The following MPPED1 variants were observed in gnomAD, a reference collection of about 807,000 sequenced individuals.
The protein encoded by MPPED1 is metallophosphoesterase domain-containing protein 1.
Under a neutral mutation model 36.2 loss-of-function variants are expected in MPPED1, and 16 were observed. That is an observed-to-expected ratio of 0.44 (90% CI 0.30 to 0.67). The LOEUF (loss-of-function observed/expected upper bound fraction) is 0.67, where lower values mean the gene tolerates loss of function less well. Among genes scored for constraint, MPPED1 ranks in the 30% least tolerant of loss-of-function variants. The pLI, the probability that MPPED1 is intolerant of heterozygous loss-of-function variation, is 0.10. For synonymous variants in MPPED1, 199 were observed against 191.3 expected, an observed-to-expected ratio of 1.04 and a Z score of -0.33; for missense variants, 307 against 453.4, an observed-to-expected ratio of 0.68 and a Z score of 2.93.
chr22:43,470,951 G>C (rs547390897), intron 3 of MPPED1, among the ~76,000 whole-genome samples: 21 of 152,350 alleles, frequency 1.4e-4, no homozygotes. Context: ...GTTTGAGGGT[G>C]TCACCCCAGC....
At chr22:43,468,069 T>TA (rs1931235468) in intron 3 of MPPED1, among the ~76,000 whole-genome samples, 1 of 152,242 alleles carries the variant, frequency 6.6e-6, no homozygotes, top group South Asian at 2.1e-4. Context: ...TGTGTGCGGA[T>TA]ACACAGCTAT....
chr22:43,424,841 A>T (rs1929402905), intron 1 of MPPED1, 67 bp from the exon 2 acceptor site: 13 of 1,445,176 alleles, frequency 9.0e-6, no homozygotes, highest in Non-Finnish European at 1.2e-5. Context: ...CTAAATCTTC[A>T]TCTGACATTA....
rs553534785 is a variant in MPPED1 at position 43,417,091 on chromosome 22, C to T, written c.-79+4933C>T. On this transcript the variant is annotated intron_variant, in intron 1 of 6. Transcript: ENST00000443721. ...AGCGGCAGAGACTGCTGGGGGGTGG[C>T]GGTGGTGAGGAATTAGAAAGTGTAA... is the stretch of plus-strand genomic sequence containing the variant. 121 of 805,064 alleles carry T rather than the reference C, an allele frequency of 1.5e-4. 1 individual carries two copies. In the South Asian group the frequency reaches 5.6e-3, roughly 37 times the overall value. 49.9% of individuals were successfully genotyped at this position (805,064 alleles called of 1,614,324 possible).
intron 4 of MPPED1, among the ~76,000 whole-genome samples, chr22:43,476,603 C>A (rs1416667830): frequency 1.3e-5 from 2 of 152,088 alleles, no homozygotes; most frequent in Non-Finnish European, 2.9e-5. Flanking sequence ...AGATTTAGGA[C>A]CTGGTTTCAT....
At chr22:43,435,725 C>T (rs1364120546) in intron 3 of MPPED1, among the ~76,000 whole-genome samples, 7 of 152,098 alleles carry the variant, frequency 4.6e-5, no homozygotes, top group Admixed American at 3.9e-4. Context: ...GGTGTGGTGG[C>T]GGGCACCTGT....
intron 3 of MPPED1, among the ~76,000 whole-genome samples, chr22:43,448,625 CAG>C: frequency 6.7e-6 from 1 of 148,250 alleles, no homozygotes; most frequent in Middle Eastern, 3.4e-3. Context: ...TTTATTGAGA[CAG>C]AGTCTCGCTC....
At chr22:43,437,684 C>T (rs1331396232) in intron 3 of MPPED1, among the ~76,000 whole-genome samples, 11 of 152,130 alleles carry the variant, frequency 7.2e-5, no homozygotes, top group Admixed American at 3.9e-4. Context: ...TAAAAGGGGG[C>T]GGTTAGGCTC....
chr22:43,453,733 C>G (rs1310973102), intron 3 of MPPED1, among the ~76,000 whole-genome samples: 1 of 152,204 alleles, frequency 6.6e-6, no homozygotes, highest in Non-Finnish European at 1.5e-5. Flanking sequence ...ATTCTGCCTG[C>G]TCACACTTCT....
chr22:43,484,306 G>A (rs1931843682), intron 4 of MPPED1, among the ~76,000 whole-genome samples: 1 of 152,244 alleles, frequency 6.6e-6, no homozygotes, highest in East Asian at 1.9e-4. Flanking sequence ...CCATCTTACA[G>A]ATGGGTCAGG....
At chr22:43,425,646 C>T (rs1383703056) in intron 2 of MPPED1, among the ~76,000 whole-genome samples, 1 of 152,254 alleles carries the variant, frequency 6.6e-6, no homozygotes, top group Non-Finnish European at 1.5e-5. Context: ...TCATTGTACA[C>T]ATGGGGAGAC....
chr22:43,460,023 A>G (rs1930890806), intron 3 of MPPED1, among the ~76,000 whole-genome samples: 2 of 152,138 alleles, frequency 1.3e-5, no homozygotes, highest in African/African-American at 2.4e-5. Context: ...CCTGGCCAAC[A>G]TGGTGAAACC....
chr22:43,435,121 C>T lies in MPPED1; in HGVS notation c.312C>T (p.Pro104=). Residue 104 remains proline (P), a synonymous_variant, in exon 3 of 7, where the codon CCC becomes CCT. Transcript: ENST00000443721. The part of the protein sequence containing the change: ...CVSDTHSRTD[P]IQMPYGDVLI... Reference sequence around the variant, plus strand: ...CTGATACCCACTCGAGGACGGACCCCATCCAGATGCCGTACGGCGACGTGC... The same window carrying T: ...CTGATACCCACTCGAGGACGGACCCTATCCAGATGCCGTACGGCGACGTGC... The T allele has an allele frequency of 6.2e-7, 1 of 1,613,894 alleles. No homozygotes were observed. The highest frequency in any genetic ancestry group is 8.5e-7 in the Non-Finnish European group (1 of 1,179,898).
intron 4 of MPPED1, among the ~76,000 whole-genome samples, chr22:43,475,336 C>T (rs1931509901): frequency 6.6e-6 from 1 of 151,946 alleles, no homozygotes; most frequent in South Asian, 2.1e-4. Flanking sequence ...CAATTTGGTT[C>T]CAGAACCCCT....
rs1459766156 is a variant in MPPED1 at position 43,495,684 on chromosome 22, T to A, written c.633-2551T>A. On this transcript the variant is annotated intron_variant, in intron 4 of 6. Transcript: ENST00000443721. ...GTGGTGGAGGTGGTGGTGGTGGAGA[T>A]GGTGGTGGTGGAGGTGGTGATGGAG... Among the ~76,000 whole-genome samples the A allele has an allele frequency of 6.8e-4, 26 of 38,084 alleles. No homozygotes were observed. The African/African-American group carries it at 7.5e-3, about 11-fold the overall frequency. The allele number at this position is 38,084 out of a possible 152,430, so 25.0% of individuals were successfully genotyped here. A position where few individuals can be genotyped will look rare whatever the true frequency, so the allele number is the denominator to read the frequency against.
Position 43,506,858 on chromosome 22 carries a change from T to G in MPPED1, c.*1242T>G, listed in dbSNP as rs1436491227. 1.3e-5 allele frequency: 2 copies of G among 152,216 alleles called. No individual in the cohort carries two copies. Among genetic ancestry groups the G allele is most frequent in the Non-Finnish European group, 2.9e-5 (2 of 68,048 alleles). 9.4% of individuals were successfully genotyped at this position (152,216 alleles called of 1,614,324 possible). A position where few individuals can be genotyped will look rare whatever the true frequency, so the allele number is the denominator to read the frequency against. On this transcript the variant is annotated 3_prime_UTR_variant, in exon 7 of 7. Coordinates refer to ENST00000443721, the MANE Select transcript of MPPED1 (RefSeq NM_001044370.2). ...TCGTTATTTAATATTTTGTTCATCA[T>G]GGACTTTTTCTGCATTTATTTTGAT...
intron 4 of MPPED1, among the ~76,000 whole-genome samples, chr22:43,484,480 T>C: frequency 6.6e-6 from 1 of 152,172 alleles, no homozygotes; most frequent in East Asian, 1.9e-4. Context: ...GCCCAGCCTC[T>C]GGCAGTCCCT....
At chr22:43,495,489 AGGTAGTGGTGGTGGAGGTGGT>A (rs1569088628) in intron 4 of MPPED1, among the ~76,000 whole-genome samples, 3 of 10,482 alleles carry the variant, frequency 2.9e-4, no homozygotes, top group Non-Finnish European at 3.0e-4. Flanking sequence ...GTGGTGGTGG[AGGTAGTGGTGGTGGAGGTGGT>A]GGTGGTGGTG....
chr22:43,495,570 TGATGGTGGAGGTGGTGGTGGTGGA>T (rs1569088813), intron 4 of MPPED1, among the ~76,000 whole-genome samples: 6 of 92,912 alleles, frequency 6.5e-5, no homozygotes, highest in Admixed American at 1.2e-4. Context: ...GTGGTGGAGG[TGATGGTGGAGGTGGTGGTGGTGGA>T]GGTGGTGATG....
intron 5 of MPPED1, among the ~76,000 whole-genome samples, chr22:43,499,579 AGGT>A (rs1465894904): frequency 3.5e-5 from 1 of 28,972 alleles, no homozygotes; most frequent in Non-Finnish European, 6.5e-5. Context: ...GTGGTAGTGG[AGGT>A]GGTGGTGGTA....
Sources: gnomAD v4.1 joint callset for allele counts (sites outside exome capture counted in the v4.1 genomes callset) on GRCh38, gnomAD v4.1.1 for gene constraint, MANE v1.5 for transcripts, NCBI Gene and HGNC (gene_info 2026-07-23, HGNC 2026-07-21) for gene names.